The following PTPRN2 variants were observed in gnomAD, a reference collection of about 807,000 sequenced individuals.
The protein encoded by PTPRN2 is protein tyrosine phosphatase receptor type N2.
PTPRN2 carries 74 observed loss-of-function variants against 118.8 expected under a neutral mutation model. The observed-to-expected ratio is 0.62, with a 90% CI of 0.52 to 0.76. PTPRN2 has a LOEUF of 0.76. Ranked by LOEUF, PTPRN2 falls within the 30% of genes least tolerant of loss-of-function variation. PTPRN2 has a pLI of 0.00. For synonymous variants in PTPRN2, 641 were observed against 608.0 expected (o/e 1.05, Z -0.80); for missense variants, 1,481 against 1,394.4 (o/e 1.06, Z -0.99).
chr7:158,270,866 ACCG>A (rs1798368978), intron 3 of PTPRN2, among the ~76,000 whole-genome samples: 4 of 17,386 alleles, frequency 2.3e-4, no homozygotes, highest in South Asian at 6.4e-3. Context: ...CCCCACCTGG[ACCG>A]CCCCCTCCAC....
rs10229701 is a variant in PTPRN2 at position 157,868,235 on chromosome 7, C to T, written c.1788+30438G>A. Among the ~76,000 whole-genome samples, 8 of 152,206 alleles carry T rather than the reference C, an allele frequency of 5.3e-5. No individual in the cohort carries two copies. Among genetic ancestry groups the T allele is most frequent in the South Asian group, 2.1e-4 (1 of 4,832 alleles). ...TGGTGCACCTACAACTGCTTCCCAT[C>T]GAGGTGGTGGGCTGGGACTCGGCAA... is the stretch of plus-strand genomic sequence containing the variant. On this transcript the variant is annotated intron_variant, in intron 12 of 22. Coordinates refer to ENST00000389418, the MANE Select transcript of PTPRN2 (RefSeq NM_002847.5). This position sits in a 1 kb window ranked among gnomAD's most constrained non-coding sequence, Gnocchi z 5.2.
At position 157,627,123 on chromosome 7, in the gene PTPRN2, C is replaced by A. The variant is rs1803633667; in HGVS notation, c.2197-5614G>T. ...AGTCCAGGTCCCAGGTGGGGTGCTCCATCTCCCCTGGAGCCTTCTCAGTGG... is the reference window on the plus strand; with the variant it reads ...AGTCCAGGTCCCAGGTGGGGTGCTCAATCTCCCCTGGAGCCTTCTCAGTGG... On this transcript the variant is annotated intron_variant, in intron 14 of 22. Transcript: ENST00000389418. This position sits in a 1 kb window ranked among gnomAD's most constrained non-coding sequence, Gnocchi z 4.2. Among the ~76,000 whole-genome samples the A allele has an allele frequency of 6.6e-6, 1 of 152,232 alleles. No individual in the cohort carries two copies. Among genetic ancestry groups the A allele is most frequent in the Non-Finnish European group, 1.5e-5 (1 of 68,042 alleles).
rs996170805 is a variant in PTPRN2, at chr7:157,861,849, C to T, written c.1788+36824G>A. Among the ~76,000 whole-genome samples, 143 of 152,204 alleles carry T rather than the reference C, an allele frequency of 9.4e-4. 1 individual carries two copies. Among genetic ancestry groups the T allele is most frequent in the African/African-American group, 2.7e-3 (114 of 41,510 alleles). The stretch of plus-strand genomic sequence containing the variant: ...CTCCGTCGCAGGGACACGGATGCTT[C>T]GAGGACTCTGTGTGCCGGAGTCTGT... On this transcript the variant is annotated intron_variant, in intron 12 of 22. Coordinates refer to ENST00000389418, the MANE Select transcript of PTPRN2 (RefSeq NM_002847.5). This position sits in a 1 kb window ranked among gnomAD's most constrained non-coding sequence, Gnocchi z 5.8.
chr7:157,661,877 C>T lies in PTPRN2; in HGVS notation c.2002-5326G>A, dbSNP rs545095849. On this transcript the variant is annotated intron_variant, in intron 13 of 22. Coordinates refer to ENST00000389418, the MANE Select transcript of PTPRN2 (RefSeq NM_002847.5). ...TTTCTGAAGGCTCTGGGGGAACCTG[C>T]CACTTAGGAGAGTCTCTGCACCTCC... Among the ~76,000 whole-genome samples the T allele has an allele frequency of 1.4e-3, 220 of 152,308 alleles. 2 individuals are homozygous for T. The highest frequency in any genetic ancestry group is 3.8e-3 in the Admixed American group (58 of 15,296).
In PTPRN2 at chr7:157,611,257, C is replaced by T. The variant is rs144627203; in HGVS notation, c.2345-7182G>A. Among the ~76,000 whole-genome samples the T allele has an allele frequency of 1.2e-3, 186 of 152,300 alleles. No individual in the cohort carries two copies. The highest frequency in any genetic ancestry group is 4.1e-3 in the African/African-American group (171 of 41,566). The stretch of plus-strand genomic sequence containing the variant: ...TCAGAAAGTCGCCCCCCAATGGGAT[C>T]GGAAGCATGTTGGGCAGGTGACCTG... On this transcript the variant is annotated intron_variant, in intron 15 of 22. Coordinates refer to ENST00000389418, the MANE Select transcript of PTPRN2 (RefSeq NM_002847.5). The surrounding 1 kb of genome is among the most constrained non-coding windows in gnomAD (Gnocchi z 5.9).
chr7:157,760,175 C>T (rs1053799050), intron 12 of PTPRN2, among the ~76,000 whole-genome samples: 1 of 152,166 alleles, frequency 6.6e-6, no homozygotes. Context: ...TAACAAACAT[C>T]CCCCACGTGG....
chr7:157,929,500 G>T lies in PTPRN2; in HGVS notation c.1724-30763C>A, dbSNP rs113575088. 5.4e-4 allele frequency among the ~76,000 whole-genome samples: 82 copies of T among 152,170 alleles called. No individual in the cohort carries two copies. Among genetic ancestry groups the T allele is most frequent in the African/African-American group, 1.9e-3 (79 of 41,504 alleles). On this transcript the variant is annotated intron_variant, in intron 11 of 22. Coordinates refer to ENST00000389418, the MANE Select transcript of PTPRN2 (RefSeq NM_002847.5). This position sits in a 1 kb window ranked among gnomAD's most constrained non-coding sequence, Gnocchi z 4.4. ...CAGACGCCCACCCAGCACAGCCTCC[G>T]CCGCAGCCTGGCAGCCCAACAGAGG...
At chr7:157,558,561 C>T (rs1029571843) in intron 21 of PTPRN2, among the ~76,000 whole-genome samples, 5 of 152,232 alleles carry the variant, frequency 3.3e-5, no homozygotes, top group African/African-American at 1.2e-4. Context: ...CTGGGCTCAC[C>T]CAGGGCAAAC....
intron 11 of PTPRN2, among the ~76,000 whole-genome samples, chr7:157,968,878 T>C (rs999381226): frequency 2.0e-5 from 3 of 152,210 alleles, no homozygotes; most frequent in Non-Finnish European, 4.4e-5. Flanking sequence ...TATCCATGCA[T>C]GAGTTAAAAC....
chr7:158,468,842 C>T (rs1238840649), intron 2 of PTPRN2, among the ~76,000 whole-genome samples: 1 of 151,938 alleles, frequency 6.6e-6, no homozygotes, highest in Non-Finnish European at 1.5e-5. Flanking sequence ...AATGTGCACA[C>T]CCACACACTC....
intron 12 of PTPRN2, among the ~76,000 whole-genome samples, chr7:157,768,758 C>G (rs1802631362): frequency 6.6e-6 from 1 of 152,206 alleles, no homozygotes. Flanking sequence ...ATCCATTCTG[C>G]TTAGGGGAGC....
At chr7:158,505,447 C>T (rs576653361) in intron 1 of PTPRN2, among the ~76,000 whole-genome samples, 7 of 152,300 alleles carry the variant, frequency 4.6e-5, no homozygotes, top group African/African-American at 1.4e-4. Flanking sequence ...GACATCTAAT[C>T]ATGCACAATG....
Position 157,901,786 on chromosome 7 carries a change from T to C in PTPRN2, c.1724-3049A>G, listed in dbSNP as rs879674495. 3.5e-3 allele frequency among the ~76,000 whole-genome samples: 205 copies of C among 59,052 alleles called. 3 individuals are homozygous for C. Among genetic ancestry groups the C allele is most frequent in the Admixed American group, 0.014 (68 of 4,778 alleles). The allele number at this position is 59,052 out of a possible 152,430, so 38.7% of individuals were successfully genotyped here. On this transcript the variant is annotated intron_variant, in intron 11 of 22. Transcript: ENST00000389418. ...TGGGTCCTGAGGCGGGGCCTTCCCG[T>C]CCGTGTTTCCTGGGTCCTGAGGCGG...
intron 10 of PTPRN2, among the ~76,000 whole-genome samples, chr7:158,086,572 G>A (rs1045875499): frequency 2.0e-5 from 3 of 152,228 alleles, no homozygotes; most frequent in Non-Finnish European, 4.4e-5. Context: ...GCACTGTGCT[G>A]GGGCCATTTA....
Position 158,529,919 on chromosome 7 carries a change from G to A in PTPRN2, c.113-40134C>T, listed in dbSNP as rs139515121. Among the ~76,000 whole-genome samples, 15 of 151,868 alleles carry A rather than the reference G, an allele frequency of 9.9e-5. No homozygotes were observed. Among genetic ancestry groups the A allele is most frequent in the East Asian group, 5.8e-4 (3 of 5,164 alleles). Reference sequence around the variant, plus strand: ...TGCCACACACAGCACACATATGCACGCTACCACACACATGCACACATGTAT... The same window carrying A: ...TGCCACACACAGCACACATATGCACACTACCACACACATGCACACATGTAT... On this transcript the variant is annotated intron_variant, in intron 1 of 22. Coordinates refer to ENST00000389418, the MANE Select transcript of PTPRN2 (RefSeq NM_002847.5). This position sits in a 1 kb window ranked among gnomAD's most constrained non-coding sequence, Gnocchi z 4.7.
rs112228567 is a variant in PTPRN2 at position 157,656,055 on chromosome 7, C to T, written c.2196+302G>A. Among the ~76,000 whole-genome samples the T allele has an allele frequency of 9.3e-3, 565 of 60,658 alleles. 8 individuals carry two copies. The highest frequency in any genetic ancestry group is 0.018 in the African/African-American group (409 of 22,832). The allele number at this position is 60,658 out of a possible 152,430, so 39.8% of individuals were successfully genotyped here. A position where few individuals can be genotyped will look rare whatever the true frequency, so the allele number is the denominator to read the frequency against. On this transcript the variant is annotated intron_variant, in intron 14 of 22. Transcript: ENST00000389418. The stretch of plus-strand genomic sequence containing the variant: ...AGCGCACATGGTAGGCACTAACAGA[C>T]GTGTATTCCACTGAAAACTAAATAG...
chr7:157,788,725 C>G (rs1227187234), intron 12 of PTPRN2, among the ~76,000 whole-genome samples: 3 of 152,000 alleles, frequency 2.0e-5, no homozygotes, highest in African/African-American at 7.3e-5. Flanking sequence ...AGGAGGCCTC[C>G]GGGGCCACCC....
chr7:158,086,389 C>T (rs116216028), intron 10 of PTPRN2, among the ~76,000 whole-genome samples: 1,912 of 152,332 alleles, frequency 0.013, 40 homozygotes, highest in African/African-American at 0.043. Context: ...CTCACTCAGC[C>T]ACAAAGGGGG....
chr7:158,259,200 A>G (rs1364717752), intron 3 of PTPRN2, among the ~76,000 whole-genome samples: 2 of 152,246 alleles, frequency 1.3e-5, no homozygotes, highest in African/African-American at 2.4e-5. Context: ...CTCAAGGCAG[A>G]TGCACAAATA....
Sources: gnomAD v4.1 joint callset for allele counts (sites outside exome capture counted in the v4.1 genomes callset) on GRCh38, gnomAD v4.1.1 for gene constraint, Gnocchi (gnomAD v3.1) non-coding constraint, MANE v1.5 for transcripts, NCBI Gene and HGNC (gene_info 2026-07-23, HGNC 2026-07-21) for gene names.